The following PCA3 variants were observed in gnomAD, a reference collection of about 807,000 sequenced individuals.
The protein encoded by PCA3 is prostate cancer associated 3.
chr9:76,784,840 AC>A (rs1165655668), intron 2 of PCA3: 1 of 152,448 alleles, frequency 6.6e-6, no homozygotes, highest in African/African-American at 2.4e-5. Flanking sequence ...CTTTGCCCAT[AC>A]TGAAATTCAT....
intron 2 of PCA3, among the ~76,000 whole-genome samples, chr9:76,771,429 C>T (rs1004371324): frequency 2.6e-5 from 4 of 152,150 alleles, no homozygotes; most frequent in African/African-American, 9.7e-5. Flanking sequence ...GGGCACTCTT[C>T]TAGAAGAAAG....
chr9:76,779,419 T>C (rs1375479708), intron 2 of PCA3, among the ~76,000 whole-genome samples: 1 of 152,188 alleles, frequency 6.6e-6, no homozygotes, highest in Non-Finnish European at 1.5e-5. Flanking sequence ...AAAGCTCTTC[T>C]TCAAGACAAA....
intron 2 of PCA3, among the ~76,000 whole-genome samples, chr9:76,767,678 A>G (rs2052566732): frequency 6.6e-6 from 1 of 152,088 alleles, no homozygotes; most frequent in Non-Finnish European, 1.5e-5. Context: ...TTAAAGCCTC[A>G]TCTCTTGACC....
chr9:76,783,502 C>T (rs1181092168), intron 2 of PCA3, among the ~76,000 whole-genome samples: 3 of 152,178 alleles, frequency 2.0e-5, no homozygotes, highest in Admixed American at 6.5e-5. Flanking sequence ...AGGCACTGCA[C>T]TAGTGACTTT....
At chr9:76,765,287 G>C (rs908732417) in intron 2 of PCA3, among the ~76,000 whole-genome samples, 1 of 152,178 alleles carries the variant, frequency 6.6e-6, no homozygotes, top group Non-Finnish European at 1.5e-5. Context: ...AGAAAACGAT[G>C]CCATAGAAGC....
chr9:76,776,935 C>G (rs1037696258), intron 2 of PCA3, among the ~76,000 whole-genome samples: 32 of 122,392 alleles, frequency 2.6e-4, no homozygotes, highest in South Asian at 1.1e-3. Flanking sequence ...CACACACACA[C>G]ACACACACAC....
At chr9:76,785,158 T>C (rs1220723463) in intron 2 of PCA3, 1 of 152,252 alleles carries the variant, frequency 6.6e-6, no homozygotes, top group Non-Finnish European at 1.5e-5. Context: ...AAACAAAATC[T>C]AACTTGTAAT....
intron 2 of PCA3, among the ~76,000 whole-genome samples, chr9:76,772,151 T>C (rs1359295695): frequency 6.6e-6 from 1 of 152,152 alleles, no homozygotes; most frequent in Non-Finnish European, 1.5e-5. Context: ...AAAGGGCTTT[T>C]TGTGTGTTGC....
intron 2 of PCA3, chr9:76,783,992 C>T (rs978845916): frequency 6.6e-6 from 1 of 152,232 alleles, no homozygotes; most frequent in African/African-American, 2.4e-5. Flanking sequence ...CCGGAATCCA[C>T]TACCGATTTT....
chr9:76,782,335 G>A (rs1022750046), intron 2 of PCA3, among the ~76,000 whole-genome samples: 3 of 152,220 alleles, frequency 2.0e-5, no homozygotes, highest in African/African-American at 7.2e-5. Context: ...GCTTTCTGGG[G>A]AGGAACAGTC....
chr9:76,769,950 T>C (rs1208863659), intron 2 of PCA3, among the ~76,000 whole-genome samples: 1 of 152,198 alleles, frequency 6.6e-6, no homozygotes, highest in African/African-American at 2.4e-5. Context: ...AAAACAATCC[T>C]GAAAATGTAT....
At chr9:76,782,442 G>A (rs2054516006) in intron 2 of PCA3, among the ~76,000 whole-genome samples, 1 of 152,056 alleles carries the variant, frequency 6.6e-6, no homozygotes, top group Non-Finnish European at 1.5e-5. Flanking sequence ...TACAGCCTTG[G>A]GAAAGTTATT....
chr9:76,781,933 G>A (rs890972187), intron 2 of PCA3, among the ~76,000 whole-genome samples: 6 of 151,924 alleles, frequency 3.9e-5, no homozygotes, highest in Admixed American at 6.6e-5. Flanking sequence ...GGGAAAGCCT[G>A]GCCGGGCGCG....
chr9:76,782,798 A>G (rs1280187034), intron 2 of PCA3: 3 of 152,232 alleles, frequency 2.0e-5, no homozygotes, highest in Non-Finnish European at 4.4e-5. Context: ...TACTCAGTGC[A>G]GCAAAGAAAG....
At chr9:76,766,091 G>A (rs1469445570) in intron 2 of PCA3, among the ~76,000 whole-genome samples, 2 of 151,144 alleles carry the variant, frequency 1.3e-5, no homozygotes, top group African/African-American at 4.9e-5. Context: ...GCTGAGGCAG[G>A]AGAATCGCTT....
intron 2 of PCA3, among the ~76,000 whole-genome samples, chr9:76,768,051 A>G (rs910514706): frequency 6.6e-6 from 1 of 152,094 alleles, no homozygotes; most frequent in Non-Finnish European, 1.5e-5. Context: ...GGTCAGAGGG[A>G]GTCCTGTCAC....
At chr9:76,767,687 C>A (rs943826629) in intron 2 of PCA3, among the ~76,000 whole-genome samples, 1 of 152,122 alleles carries the variant, frequency 6.6e-6, no homozygotes, top group African/African-American at 2.4e-5. Context: ...CATCTCTTGA[C>A]CCTATTTTGT....
chr9:76,774,809 A>C (rs1486658815), intron 2 of PCA3, among the ~76,000 whole-genome samples: 2 of 152,194 alleles, frequency 1.3e-5, no homozygotes, highest in Admixed American at 1.3e-4. Flanking sequence ...TTAAATATGG[A>C]GGAAACAGGG....
chr9:76,765,200 T>C (rs1291692376), intron 2 of PCA3, among the ~76,000 whole-genome samples: 1 of 151,970 alleles, frequency 6.6e-6, no homozygotes, highest in Non-Finnish European at 1.5e-5. Flanking sequence ...AATTCCAACA[T>C]GTAGAAGTTA....
Sources: gnomAD v4.1 joint callset for allele counts (sites outside exome capture counted in the v4.1 genomes callset) on GRCh38, gnomAD v4.1.1 for gene constraint, MANE v1.5 for transcripts, NCBI Gene and HGNC (gene_info 2026-07-23, HGNC 2026-07-21) for gene names.